Variants in PTPRD observed in about 807,000 individuals in gnomAD.
The protein encoded by PTPRD is protein tyrosine phosphatase receptor type D, also known as receptor-type tyrosine-protein phosphatase delta.
PTPRD carries 34 observed loss-of-function variants against 214.5 expected under a neutral mutation model. The observed-to-expected ratio is 0.16, with a 90% confidence interval of 0.12 to 0.21. The LOEUF is 0.21. PTPRD is among the 10% of genes least tolerant of loss of function. The probability of loss-of-function intolerance (pLI) is 1.00; values close to 1 mark genes in which losing one functional copy is unlikely to be tolerated. For missense variants in PTPRD, 2,545 were observed against 2,398.7 expected (o/e 1.06, Z -1.27); for synonymous variants, 1,128 against 845.7 (o/e 1.33, Z -5.79).
intron 9 of PTPRD, among the ~76,000 whole-genome samples, chr9:9,240,149 A>G (rs919446598): frequency 6.7e-6 from 1 of 149,674 alleles, no homozygotes; most frequent in African/African-American, 2.5e-5. Flanking sequence ...TTTCAATAAT[A>G]TTTATGTTTT....
intron 3 of PTPRD, among the ~76,000 whole-genome samples, chr9:10,296,532 T>C (rs920554530): frequency 7.9e-5 from 12 of 152,148 alleles, no homozygotes; most frequent in South Asian, 2.1e-4. Flanking sequence ...GTTATGGATC[T>C]GGAGTTGAGA....
chr9:9,069,135 A>T (rs143417403), intron 10 of PTPRD, among the ~76,000 whole-genome samples: 1 of 152,208 alleles, frequency 6.6e-6, no homozygotes, highest in Non-Finnish European at 1.5e-5. Flanking sequence ...GCTATACTTA[A>T]AGGTTTCTCA....
At chr9:9,445,683 A>T (rs1479305074) in intron 8 of PTPRD, among the ~76,000 whole-genome samples, 1 of 152,158 alleles carries the variant, frequency 6.6e-6, no homozygotes, top group Non-Finnish European at 1.5e-5. Flanking sequence ...GAACAGCGGC[A>T]TGGGGTAAAT....
chr9:10,144,997 T>A (rs1014465583), intron 3 of PTPRD, among the ~76,000 whole-genome samples: 1 of 151,672 alleles, frequency 6.6e-6, no homozygotes, highest in African/African-American at 2.4e-5. Context: ...ATATAAAGTC[T>A]CCTCCTTTAT....
chr9:9,944,295 G>A (rs1457444462), intron 4 of PTPRD, among the ~76,000 whole-genome samples: 1 of 152,144 alleles, frequency 6.6e-6, no homozygotes, highest in Non-Finnish European at 1.5e-5. Context: ...TATTTGAGGA[G>A]TAGTAAGGTA....
chr9:8,470,957 T>C (rs2096642161), intron 31 of PTPRD, 38 bp downstream of exon 31: 5 of 1,562,170 alleles, frequency 3.2e-6, no homozygotes, highest in Non-Finnish European at 4.4e-6. Flanking sequence ...GCAGATTAAA[T>C]AACGAATAAA....
At chr9:9,753,926 G>T (rs913678400) in intron 6 of PTPRD, among the ~76,000 whole-genome samples, 5 of 151,890 alleles carry the variant, frequency 3.3e-5, no homozygotes, top group Non-Finnish European at 7.4e-5. Flanking sequence ...AGAAAACTCG[G>T]ATTTCCTCAA....
intron 2 of PTPRD, among the ~76,000 whole-genome samples, chr9:10,431,023 C>G (rs623633): frequency 0.027 from 4,037 of 152,060 alleles, 175 homozygotes; most frequent in African/African-American, 0.091. Flanking sequence ...GCTTATCACA[C>G]AGTAAGCTAG....
intron 39 of PTPRD, 103 bp downstream of exon 39, chr9:8,375,833 G>T: frequency 7.5e-7 from 1 of 1,340,512 alleles, no homozygotes; most frequent in Non-Finnish European, 1.0e-6. Flanking sequence ...TATTATTTAT[G>T]AAGACATTTA....
intron 10 of PTPRD, among the ~76,000 whole-genome samples, chr9:9,084,682 A>G (rs995670240): frequency 1.3e-5 from 2 of 152,052 alleles, no homozygotes; most frequent in Admixed American, 6.6e-5. Context: ...TGTCCCTAAC[A>G]ATGGTAGTAA....
rs75234649 is a variant in PTPRD at position 9,395,264 on chromosome 9, C to A, written c.-203+2185G>T. Among the ~76,000 whole-genome samples, 87 of 151,846 alleles carry A rather than the reference C, an allele frequency of 5.7e-4. 1 individual carries two copies. The East Asian group carries it at 8.6e-3, about 15-fold the overall frequency. ...ATCCACAAAGCAGCAACATAAACATCACTTGAGAACTTGTTGAAAATGTAA... is the reference window on the plus strand; with the variant it reads ...ATCCACAAAGCAGCAACATAAACATAACTTGAGAACTTGTTGAAAATGTAA... On this transcript the variant is annotated intron_variant, in intron 9 of 45. Transcript: ENST00000381196.
chr9:8,734,776 G>GAAGA (rs2098699730), intron 11 of PTPRD, among the ~76,000 whole-genome samples: 1 of 152,186 alleles, frequency 6.6e-6, no homozygotes, highest in Non-Finnish European at 1.5e-5. Flanking sequence ...TACACCAGAT[G>GAAGA]ATTAGTACAA....
intron 2 of PTPRD, among the ~76,000 whole-genome samples, chr9:10,420,161 T>G (rs2098532754): frequency 6.6e-6 from 1 of 151,882 alleles, no homozygotes; most frequent in Non-Finnish European, 1.5e-5. Flanking sequence ...AAGCTATCAT[T>G]TTTTGGATGA....
At chr9:8,510,444 C>A (rs2097654371) in intron 21 of PTPRD, among the ~76,000 whole-genome samples, 1 of 152,200 alleles carries the variant, frequency 6.6e-6, no homozygotes, top group Non-Finnish European at 1.5e-5. Flanking sequence ...GACCGCAGGC[C>A]ATGCTCAGTG....
chr9:8,614,329 G>C (rs912803745), intron 14 of PTPRD, among the ~76,000 whole-genome samples: 1 of 152,102 alleles, frequency 6.6e-6, no homozygotes, highest in African/African-American at 2.4e-5. Context: ...GGTCAAACAA[G>C]GCAACCAGTT....
chr9:9,630,871 A>C lies in PTPRD; in HGVS notation c.-286-56090T>G, dbSNP rs142117575. ...GACGTAGAATGTACTTATATGTAAA[A>C]GATGTTCAATAAATATTTGTCAATT... On this transcript the variant is annotated intron_variant, in intron 7 of 45. Transcript: ENST00000381196. Among the ~76,000 whole-genome samples, 104 of 152,346 alleles carry C rather than the reference A, an allele frequency of 6.8e-4. 1 individual carries two copies. The highest frequency in any genetic ancestry group is 4.6e-3 in the South Asian group (22 of 4,830).
chr9:8,763,542 A>C (rs1364508420), intron 11 of PTPRD, among the ~76,000 whole-genome samples: 1 of 151,600 alleles, frequency 6.6e-6, no homozygotes, highest in Admixed American at 6.6e-5. Flanking sequence ...TTATGTATTA[A>C]TATAACATAT....
chr9:8,467,385 A>T (rs148193419), intron 31 of PTPRD, among the ~76,000 whole-genome samples: 1,541 of 151,960 alleles, frequency 0.01, 28 homozygotes, highest in African/African-American at 0.035. Flanking sequence ...TAACAATAAT[A>T]GTTTTCATTT....
chr9:8,463,041 C>T (rs1351532612), intron 32 of PTPRD, among the ~76,000 whole-genome samples: 1 of 151,710 alleles, frequency 6.6e-6, no homozygotes, highest in Non-Finnish European at 1.5e-5. Flanking sequence ...AGTATATATG[C>T]TCACTTTTCA....
Sources: allele counts gnomAD v4.1 joint callset (sites outside exome capture counted in the v4.1 genomes callset), GRCh38; gene constraint gnomAD v4.1.1; transcripts MANE v1.5; gene names NCBI Gene and HGNC (gene_info 2026-07-23, HGNC 2026-07-21).